Variants in SLC19A1 observed in about 807,000 individuals in gnomAD.
SLC19A1 encodes reduced folate transporter.
SLC19A1 carries 37 observed loss-of-function variants against 35.3 expected under a neutral mutation model. The ratio of observed to expected loss-of-function variants is 1.05; its 90% CI spans 0.81 to 1.38. The LOEUF (loss-of-function observed/expected upper bound fraction) is 1.38. SLC19A1 is among the 40% of genes most tolerant of loss of function. The pLI, the probability that SLC19A1 is intolerant of heterozygous loss-of-function variation, is 0.00. For synonymous variants in SLC19A1, 460 were observed against 398.5 expected, an observed-to-expected ratio of 1.15 and a Z score of -1.84; for missense variants, 831 against 826.9, an observed-to-expected ratio of 1.00 and a Z score of -0.06.
chr21:45,531,697 C>T lies in SLC19A1; in HGVS notation c.641G>A (p.Arg214His), dbSNP rs1339231755. 1.9e-6 allele frequency: 3 copies of T among 1,612,526 alleles called. No individual in the cohort carries two copies. The highest frequency in any genetic ancestry group is 2.7e-5 in the African/African-American group (2 of 74,912). The change falls in exon 3 of 6, where the codon CGC becomes CAC. Residue 214 changes from arginine to histidine, a missense_variant. Arg to His is a conservative substitution (Grantham distance 29, BLOSUM62 0). Transcript: ENST00000311124. The part of the protein sequence containing the change: ...KRPKRSLFFN[R>H]DDRGRCETSA... ...GGTTTCGCACCGCCCCCGGTCGTCG[C>T]GGTTGAAGAAGAGGCTGCGCTTGGG...
Position 45,515,847 on chromosome 21 carries a change from CG to C in SLC19A1, c.1586del (p.Pro529ArgfsTer9). On this transcript the variant is annotated frameshift_variant, in exon 6 of 6. Coordinates refer to ENST00000311124, the MANE Select transcript of SLC19A1 (RefSeq NM_194255.4). LOFTEE classifies it low-confidence loss of function (END_TRUNC). ...RQSDPYLAQA[P>X]APQAAEFLSP... Reference sequence around the variant, plus strand: ...TCAGGAATTCAGCTGCCTGCGGGGCCGGGGCCTGGGCCAGGTATGGGTCGCT... The same window carrying C: ...TCAGGAATTCAGCTGCCTGCGGGGCCGGGCCTGGGCCAGGTATGGGTCGCT... The C allele has an allele frequency of 6.3e-7, 1 of 1,599,586 alleles. No individual in the cohort carries two copies. The highest frequency in any genetic ancestry group is 2.2e-5 in the East Asian group (1 of 44,628).
upstream of SLC19A1, among the ~76,000 whole-genome samples, chr21:45,548,193 T>G (rs2078432459): frequency 6.6e-6 from 1 of 152,164 alleles, no homozygotes; most frequent in Admixed American, 6.5e-5. Context: ...ATCACATAGT[T>G]CAAGAACAGC....
At chr21:45,558,480 G>C (rs144372915) in intron 1 of SLC19A1, among the ~76,000 whole-genome samples, 141 of 152,350 alleles carry the variant, frequency 9.3e-4, no homozygotes, top group Admixed American at 3.1e-3. Flanking sequence ...GGCGAGCCTT[G>C]GGGATCTTCC....
At chr21:45,520,933 T>C (rs1412105701) in intron 5 of SLC19A1, among the ~76,000 whole-genome samples, 1 of 151,674 alleles carries the variant, frequency 6.6e-6, no homozygotes, top group Non-Finnish European at 1.5e-5. Context: ...GACAGGAGAA[T>C]TGCTTGAACC....
At chr21:45,519,687 C>T (rs1356912604) in intron 5 of SLC19A1, among the ~76,000 whole-genome samples, 1 of 151,818 alleles carries the variant, frequency 6.6e-6, no homozygotes, top group East Asian at 1.9e-4. Context: ...AATTTCAATC[C>T]CTAACGTGTA....
Position 45,534,752 on chromosome 21 carries a change from T to C in SLC19A1, c.190-2604A>G. The stretch of plus-strand genomic sequence containing the variant: ...CTTGGCAGGCAGACAGCAGGGAGGC[T>C]CTGCCCAGAGCTGTGACCTGCGTCC... On this transcript the variant is annotated intron_variant, in intron 2 of 5. Transcript: ENST00000311124. This position sits in a 1 kb window ranked among gnomAD's most constrained non-coding sequence, Gnocchi z 4.2. The C allele has an allele frequency of 1.5e-6, 1 of 673,702 alleles. No homozygotes were observed. Among genetic ancestry groups the C allele is most frequent in the East Asian group, 2.8e-5 (1 of 36,296 alleles). The allele number at this position is 673,702 out of a possible 1,614,324, so 41.7% of individuals were successfully genotyped here.
At chr21:45,548,589 C>T (rs968182774), upstream of SLC19A1, among the ~76,000 whole-genome samples, 6 of 151,976 alleles carry the variant, frequency 3.9e-5, no homozygotes, top group African/African-American at 1.5e-4. Context: ...ACTAAAAATA[C>T]AAAAATGAGG....
intron 5 of SLC19A1, among the ~76,000 whole-genome samples, chr21:45,521,457 G>A (rs747438039): frequency 9.2e-5 from 14 of 152,130 alleles, no homozygotes; most frequent in Non-Finnish European, 1.8e-4. Context: ...TTGATACACT[G>A]GCTTAATTGC....
intron 2 of SLC19A1, chr21:45,536,371 C>T (rs2078112973): frequency 6.6e-6 from 1 of 152,552 alleles, no homozygotes; most frequent in African/African-American, 2.4e-5. Context: ...TGGCCCTCCA[C>T]TAAGAGCAGA....
chr21:45,509,297 TGGA>T (rs1419735100), downstream of SLC19A1: 1 of 1,533,266 alleles, frequency 6.5e-7, no homozygotes, highest in South Asian at 1.2e-5. Flanking sequence ...AGGACACAGA[TGGA>T]GGAGGGGCAC....
chr21:45,509,661 A>T, downstream of SLC19A1: 1 of 920,898 alleles, frequency 1.1e-6, no homozygotes, highest in Non-Finnish European at 1.7e-6. Context: ...CGGCAGCAGA[A>T]GAGGGCCCAG....
intron 1 of SLC19A1, among the ~76,000 whole-genome samples, chr21:45,560,451 C>T (rs772598016): frequency 1.3e-5 from 2 of 151,434 alleles, no homozygotes; most frequent in Admixed American, 6.6e-5. Flanking sequence ...AGGGTGCCCA[C>T]GGTGGCGCCC....
chr21:45,528,789 G>T (rs1393682037), intron 4 of SLC19A1, among the ~76,000 whole-genome samples: 1 of 152,300 alleles, frequency 6.6e-6, no homozygotes, highest in Admixed American at 6.5e-5. Flanking sequence ...ACTCATGACC[G>T]GGAGTGACCA....
intron 5 of SLC19A1, among the ~76,000 whole-genome samples, chr21:45,523,186 G>A (rs1397722264): frequency 6.6e-6 from 1 of 152,144 alleles, no homozygotes; most frequent in African/African-American, 2.4e-5. Context: ...TCCCCATGCT[G>A]GAGGAAAGAG....
At position 45,534,301 on chromosome 21, in the gene SLC19A1, C is replaced by T. The variant is rs1044109175; in HGVS notation, c.190-2153G>A. Among the ~76,000 whole-genome samples, 2 of 152,246 alleles carry T rather than the reference C, an allele frequency of 1.3e-5. No homozygotes were observed. The highest frequency in any genetic ancestry group is 4.1e-4 in the South Asian group (2 of 4,830). The stretch of plus-strand genomic sequence containing the variant: ...TCCTCCTCAGGGCCAGCCCAGGGAA[C>T]CCCTGCAGATTCCGAAAGAAGCGGC... On this transcript the variant is annotated intron_variant, in intron 2 of 5. Transcript: ENST00000311124. The surrounding 1 kb of genome is among the most constrained non-coding windows in gnomAD (Gnocchi z 4.2).
intron 1 of SLC19A1, among the ~76,000 whole-genome samples, chr21:45,557,389 A>G (rs117417101): frequency 0.03 from 4,616 of 152,106 alleles, 108 homozygotes; most frequent in Non-Finnish European, 0.045. Flanking sequence ...CTCTGGGTGA[A>G]CCAGGTGCTG....
intron 1 of SLC19A1, among the ~76,000 whole-genome samples, chr21:45,558,838 C>G (rs1349765178): frequency 6.8e-6 from 1 of 146,758 alleles, no homozygotes; most frequent in Admixed American, 6.9e-5. Context: ...GAGGTGGAGT[C>G]TGGCTAGGTC....
chr21:45,545,057 G>A (rs1369561855), upstream of SLC19A1, among the ~76,000 whole-genome samples: 2 of 152,232 alleles, frequency 1.3e-5, no homozygotes, highest in Non-Finnish European at 2.9e-5. Context: ...CTGGAAGCAA[G>A]GCTTGGACCA....
In SLC19A1 at chr21:45,540,933, G is replaced by A. The variant is rs574146341; in HGVS notation, c.-50+1435C>T. Among the ~76,000 whole-genome samples the A allele has an allele frequency of 2.3e-3, 346 of 152,196 alleles. 3 individuals are homozygous for A. Among genetic ancestry groups the A allele is most frequent in the Non-Finnish European group, 4.1e-3 (276 of 68,022 alleles). On this transcript the variant is annotated intron_variant, in intron 1 of 5. Transcript: ENST00000311124. The surrounding 1 kb of genome is among the most constrained non-coding windows in gnomAD (Gnocchi z 5.5). ...ACCCGCAATCAAAACACAAGCAAAC[G>A]CCACCTATCATTCCGTGTTTAAACC...
Sources: allele counts gnomAD v4.1 joint callset (sites outside exome capture counted in the v4.1 genomes callset), GRCh38; gene constraint gnomAD v4.1.1; non-coding constraint Gnocchi (gnomAD v3.1); transcripts MANE v1.5; gene names NCBI Gene and HGNC (gene_info 2026-07-23, HGNC 2026-07-21).